CARD14: variants seen among roughly 807,000 people sequenced by gnomAD.
CARD14 encodes caspase recruitment domain family member 14.
In CARD14, 107 loss-of-function variants were observed where a neutral mutation model predicts 111.5. The ratio of observed to expected loss-of-function variants is 0.96; its 90% CI spans 0.82 to 1.13. The LOEUF (loss-of-function observed/expected upper bound fraction) is 1.13, where lower values mean the gene tolerates loss of function less well. Ranked by LOEUF, CARD14 falls within the 50% of genes most tolerant of loss-of-function variation. The pLI, the probability that CARD14 is intolerant of heterozygous loss-of-function variation, is 0.00. For synonymous variants in CARD14, 617 were observed against 579.6 expected (o/e 1.06, Z -0.93); for missense variants, 1,322 against 1,362.3 (o/e 0.97, Z 0.47).
chr17:80,205,209 T>C lies in CARD14; in HGVS notation c.2569+4T>C, dbSNP rs146678380. The C allele has an allele frequency of 2.6e-3, 4,156 of 1,608,286 alleles. 10 individuals are homozygous for C. The highest frequency in any genetic ancestry group is 3.1e-3 in the Non-Finnish European group (3,681 of 1,176,300). ...GGGTTTAAGAAGTGCCTGGCAGGTATGCTGTTGCCTGGGAATCCCTCTACC... is the reference window on the plus strand; with the variant it reads ...GGGTTTAAGAAGTGCCTGGCAGGTACGCTGTTGCCTGGGAATCCCTCTACC... On this transcript the variant is annotated splice_donor_region_variant and intron_variant, in intron 21 of 23. Coordinates refer to ENST00000648509, the MANE Select transcript of CARD14 (RefSeq NM_001366385.1).
At chr17:80,185,787 C>A (rs1598643489) in intron 7 of CARD14, among the ~76,000 whole-genome samples, 1 of 152,246 alleles carries the variant, frequency 6.6e-6, no homozygotes, top group Non-Finnish European at 1.5e-5. Context: ...GCCCCCACCC[C>A]TTCCCTTTGA....
At chr17:80,176,002 A>G (rs1231230552) in intron 2 of CARD14, among the ~76,000 whole-genome samples, 10 of 89,618 alleles carry the variant, frequency 1.1e-4, no homozygotes, top group Admixed American at 5.3e-4. Context: ...TAAAAACGGG[A>G]TCGTGCTATG....
intron 23 of CARD14, 80 bp downstream of exon 23, chr17:80,207,165 A>G: frequency 6.0e-6 from 6 of 1,003,110 alleles, no homozygotes; most frequent in Non-Finnish European, 9.1e-6. Context: ...GTGCCTCTGG[A>G]GTGTGCTCTG....
At chr17:80,172,741 G>T (rs2039930692) in intron 1 of CARD14, among the ~76,000 whole-genome samples, 165 bp from the exon 2 acceptor site, 1 of 152,124 alleles carries the variant, frequency 6.6e-6, no homozygotes, top group Non-Finnish European at 1.5e-5. Context: ...TAGGACCCCA[G>T]TGTTCTGTGG....
chr17:80,204,364 A>G, intron 20 of CARD14, 23 bp downstream of exon 20: 2 of 1,531,106 alleles, frequency 1.3e-6, no homozygotes, highest in South Asian at 2.4e-5. Context: ...GAGCTGGCAC[A>G]GGGGCCACTG....
chr17:80,190,717 A>G, intron 9 of CARD14, 57 bp from the exon 10 acceptor site: 1 of 1,598,220 alleles, frequency 6.3e-7, no homozygotes, highest in Non-Finnish European at 8.5e-7. Context: ...ACCCCCTTCT[A>G]AGGCCAGACC....
chr17:80,204,656 C>T (rs1051958683), intron 20 of CARD14: 17 of 386,588 alleles, frequency 4.4e-5, no homozygotes, highest in African/African-American at 3.4e-4. Context: ...GAGAGGAGTA[C>T]AGGACAGAGG....
rs965003756 is a variant in CARD14, at chr17:80,189,175, G to A, written c.844-578G>A. ...AGCATGGGATTCGCGTTAAGGATGG[G>A]GGAAAGAAACCTTTCTGCCTGGAAA... On this transcript the variant is annotated intron_variant, in intron 8 of 23. Coordinates refer to ENST00000648509, the MANE Select transcript of CARD14 (RefSeq NM_001366385.1). The surrounding 1 kb of genome is among the most constrained non-coding windows in gnomAD (Gnocchi z 4.7). Among the ~76,000 whole-genome samples, 8 of 152,126 alleles carry A rather than the reference G, an allele frequency of 5.3e-5. No individual in the cohort carries two copies. Among genetic ancestry groups the A allele is most frequent in the African/African-American group, 1.7e-4 (7 of 41,382 alleles).
chr17:80,208,302 A>G lies in CARD14; in HGVS notation c.2972A>G (p.Asp991Gly), dbSNP rs2144640992. Residue 991 changes from aspartate to glycine, a missense_variant, in exon 24 of 24, where the codon GAC becomes GGC. Coordinates refer to ENST00000648509, the MANE Select transcript of CARD14 (RefSeq NM_001366385.1). ...AGCTGTGTCCGCCAGGCCATCGCCG[A>G]CGAGCAGAAGAAGGTGGTGTGGACG... is the stretch of plus-strand genomic sequence containing the variant. Reference protein sequence around the residue: ...LLSCVRQAIADEQKKVVWTEQ... With the variant: ...LLSCVRQAIAGEQKKVVWTEQ... 1 of 1,605,532 alleles carries G rather than the reference A, an allele frequency of 6.2e-7. No homozygotes were observed. The highest frequency in any genetic ancestry group is 8.5e-7 in the Non-Finnish European group (1 of 1,177,188).
In CARD14 at chr17:80,205,518, A is replaced by G. The variant is rs1456071556; in HGVS notation, c.2570-13A>G. ...AGCTGGTCTATGATGGCCCCGTCCA[A>G]TGTCACCTGTAGAGTACTTGAGCCA... On this transcript the variant is annotated splice_polypyrimidine_tract_variant and intron_variant, in intron 21 of 23. Coordinates refer to ENST00000648509, the MANE Select transcript of CARD14 (RefSeq NM_001366385.1). 1.9e-6 allele frequency: 3 copies of G among 1,581,750 alleles called. No homozygotes were observed. The highest frequency in any genetic ancestry group is 2.6e-6 in the Non-Finnish European group (3 of 1,163,160).
chr17:80,186,267 C>T (rs944743814), intron 7 of CARD14, among the ~76,000 whole-genome samples: 1 of 152,176 alleles, frequency 6.6e-6, no homozygotes, highest in African/African-American at 2.4e-5. Context: ...CTCTGCCTTC[C>T]CTTCTCCCGT....
intron 7 of CARD14, chr17:80,187,766 C>G (rs548728565): frequency 1.0e-6 from 1 of 985,428 alleles, no homozygotes; most frequent in Non-Finnish European, 1.2e-6. Flanking sequence ...AGGGCGGGCC[C>G]GTGGCTCGAG....
chr17:80,197,499 C>A (rs2040755095), intron 14 of CARD14: 1 of 151,704 alleles, frequency 6.6e-6, no homozygotes, highest in African/African-American at 2.5e-5. Context: ...CGGCACTGTA[C>A]TCCAGCCTGG....
chr17:80,195,150 C>T lies in CARD14; in HGVS notation c.1357-41C>T, dbSNP rs1461606018. 7 of 1,562,790 alleles carry T rather than the reference C, an allele frequency of 4.5e-6. No homozygotes were observed. Among genetic ancestry groups the T allele is most frequent in the Non-Finnish European group, 6.1e-6 (7 of 1,148,754 alleles). ...GAGCAAGGGAGGAGTCTCAGGGTGT[C>T]CTCGTGCGTGCCCCACTGACTTCTG... On this transcript the variant is annotated intron_variant, in intron 12 of 23. Coordinates refer to ENST00000648509, the MANE Select transcript of CARD14 (RefSeq NM_001366385.1). The surrounding 1 kb of genome is among the most constrained non-coding windows in gnomAD (Gnocchi z 4.7).
chr17:80,202,697 G>C lies in CARD14; in HGVS notation c.2219+277G>C, dbSNP rs11150849. On this transcript the variant is annotated intron_variant, in intron 18 of 23. Transcript: ENST00000648509. Reference sequence around the variant, plus strand: ...TTGGTACCATGGACGTTTGGGGCTGGATCCCCGTCTGTGGTGGGGCCGTCC... The same window carrying C: ...TTGGTACCATGGACGTTTGGGGCTGCATCCCCGTCTGTGGTGGGGCCGTCC... 0.47 allele frequency: 503,504 copies of C among 1,068,754 alleles called. 123,067 individuals carry two copies. Among genetic ancestry groups the C allele is most frequent in the East Asian group, 0.54 (15,713 of 29,062 alleles). The allele number at this position is 1,068,754 out of a possible 1,614,324, so 66.2% of individuals were successfully genotyped here. A position where few individuals can be genotyped will look rare whatever the true frequency, so the allele number is the denominator to read the frequency against.
chr17:80,175,646 A>T (rs1179455881), intron 2 of CARD14, among the ~76,000 whole-genome samples: 2 of 152,180 alleles, frequency 1.3e-5, no homozygotes, highest in Non-Finnish European at 2.9e-5. Context: ...CGCCCAGAGC[A>T]CGTGCTCCTG....
In CARD14 at chr17:80,181,569, G is replaced by T; in HGVS notation, c.131G>T (p.Arg44Leu). The T allele has an allele frequency of 6.4e-7, 1 of 1,566,258 alleles. No individual in the cohort carries two copies. The highest frequency in any genetic ancestry group is 1.2e-5 in the South Asian group (1 of 84,998). ...CCCAGCCGCCTCACCCCCTACCTGC[G>T]CCAGGCCAAGGTGCTGTGCCAGCTG... ...ICPSRLTPYL[R>L]QAKVLCQLDE... is the part of the protein sequence containing the mutation. The change falls in exon 5 of 24, where the codon CGC (arginine) becomes CTC (leucine). Residue 44 changes from arginine (R) to leucine (L), a missense_variant. By Grantham distance (102) the Arg-to-Leu change is moderately radical. Transcript: ENST00000648509.
intron 17 of CARD14, 73 bp from the exon 18 acceptor site, chr17:80,202,102 CTACTT>C (rs1399999737): frequency 3.7e-6 from 5 of 1,366,850 alleles, no homozygotes; most frequent in Admixed American, 1.8e-5. Context: ...TCCTTCTCTC[CTACTT>C]TAATTTTCTG....
chr17:80,195,740 A>G lies in CARD14; in HGVS notation c.1594+88A>G. Reference sequence around the variant, plus strand: ...GATGAGAAAGCCGGGGCCTCTCTCCAGGGAAAGGGCAGATAGAAGCAGAGC... The same window carrying G: ...GATGAGAAAGCCGGGGCCTCTCTCCGGGGAAAGGGCAGATAGAAGCAGAGC... On this transcript the variant is annotated intron_variant, in intron 14 of 23. Coordinates refer to ENST00000648509, the MANE Select transcript of CARD14 (RefSeq NM_001366385.1). This position sits in a 1 kb window ranked among gnomAD's most constrained non-coding sequence, Gnocchi z 4.7. 5.5e-6 allele frequency: 6 copies of G among 1,097,992 alleles called. No individual in the cohort carries two copies. Among genetic ancestry groups the G allele is most frequent in the Non-Finnish European group, 6.6e-6 (5 of 752,670 alleles). The allele number at this position is 1,097,992 out of a possible 1,614,324, so 68.0% of individuals were successfully genotyped here.
Sources: gnomAD v4.1 joint callset for allele counts (sites outside exome capture counted in the v4.1 genomes callset) on GRCh38, gnomAD v4.1.1 for gene constraint, Gnocchi (gnomAD v3.1) non-coding constraint, MANE v1.5 for transcripts, NCBI Gene and HGNC (gene_info 2026-07-23, HGNC 2026-07-21) for gene names.